The following SEM1 variants were observed in gnomAD, a reference collection of about 807,000 sequenced individuals.
SEM1 encodes SEM1 26S proteasome subunit, also known as 26S proteasome complex subunit SEM1.
A neutral mutation model predicts 12.7 loss-of-function variants in SEM1; 3 were observed. That is an observed-to-expected ratio of 0.24 (90% CI 0.11 to 0.61). The LOEUF (loss-of-function observed/expected upper bound fraction) is 0.61, where lower values mean the gene tolerates loss of function less well. Ranked by LOEUF, SEM1 falls within the 20% of genes least tolerant of loss-of-function variation. The pLI, the probability that SEM1 is intolerant of heterozygous loss-of-function variation, is 0.88. For synonymous variants in SEM1, 30 were observed against 27.8 expected (o/e 1.08, Z -0.25); for missense variants, 59 against 81.3 (o/e 0.73, Z 1.06).
At chr7:96,574,392 AC>A (rs36173049) in intron 2 of SEM1, among the ~76,000 whole-genome samples, 97,412 of 150,932 alleles carry the variant, frequency 0.65, 31,582 homozygotes, top group Non-Finnish European at 0.68. Flanking sequence ...GCCGCAATAA[AC>A]ATACGTGTGC....
At chr7:96,604,446 A>G (rs1807286079) in intron 2 of SEM1, among the ~76,000 whole-genome samples, 1 of 152,152 alleles carries the variant, frequency 6.6e-6, no homozygotes, top group African/African-American at 2.4e-5. Flanking sequence ...TGAATTTAAC[A>G]TTCATGAATT....
At chr7:96,557,086 A>G (rs1805532297) in intron 2 of SEM1, among the ~76,000 whole-genome samples, 1 of 143,754 alleles carries the variant, frequency 7.0e-6, no homozygotes, top group South Asian at 2.3e-4. Flanking sequence ...CTAGTTATAC[A>G]TTCTTCTACA....
intron 2 of SEM1, among the ~76,000 whole-genome samples, chr7:96,681,947 C>G (rs1313602303): frequency 6.6e-6 from 1 of 151,912 alleles, no homozygotes; most frequent in African/African-American, 2.4e-5. Flanking sequence ...TTGATGGGAA[C>G]AGCATTGAAT....
At chr7:96,547,755 A>G (rs1483079971) in intron 2 of SEM1, among the ~76,000 whole-genome samples, 2 of 152,028 alleles carry the variant, frequency 1.3e-5, no homozygotes, top group East Asian at 3.9e-4. Flanking sequence ...AGGAGTTGTA[A>G]AGTGGTACCT....
chr7:96,529,950 T>C (rs898954804), intron 2 of SEM1, among the ~76,000 whole-genome samples: 2 of 152,090 alleles, frequency 1.3e-5, no homozygotes, highest in African/African-American at 4.8e-5. Flanking sequence ...GTTGTACAAC[T>C]TCCTTCCTGA....
chr7:96,507,077 G>T (rs1387302758), intron 2 of SEM1, among the ~76,000 whole-genome samples: 1 of 151,904 alleles, frequency 6.6e-6, no homozygotes, highest in East Asian at 1.9e-4. Context: ...TAGAGGAAAA[G>T]ACAACAGAAA....
At chr7:96,514,470 T>G (rs537362130) in intron 2 of SEM1, among the ~76,000 whole-genome samples, 1 of 151,984 alleles carries the variant, frequency 6.6e-6, no homozygotes, top group Admixed American at 6.6e-5. Context: ...AAAGAAGAAA[T>G]AAAACTGTCT....
intron 3 of SEM1, among the ~76,000 whole-genome samples, chr7:96,484,606 C>T (rs1802677757): frequency 6.6e-6 from 1 of 152,116 alleles, no homozygotes; most frequent in Non-Finnish European, 1.5e-5. Flanking sequence ...CACATCAGTG[C>T]CATAACCATT....
intron 2 of SEM1, among the ~76,000 whole-genome samples, chr7:96,539,403 G>GA (rs1301516328): frequency 6.6e-6 from 1 of 151,532 alleles, no homozygotes; most frequent in Non-Finnish European, 1.5e-5. Flanking sequence ...ACAAGTTGAA[G>GA]AAAAAAATTC....
intron 3 of SEM1, among the ~76,000 whole-genome samples, chr7:96,501,406 T>C (rs1272663183): frequency 6.6e-6 from 1 of 152,080 alleles, no homozygotes; most frequent in Non-Finnish European, 1.5e-5. Context: ...AACTCTCTGA[T>C]TTAGGGCATC....
At chr7:96,557,788 G>C (rs1805568851) in intron 2 of SEM1, among the ~76,000 whole-genome samples, 1 of 151,900 alleles carries the variant, frequency 6.6e-6, no homozygotes, top group South Asian at 2.1e-4. Context: ...CCTTCCCCCA[G>C]CCTCGCTGCC....
downstream of SEM1, among the ~76,000 whole-genome samples, chr7:96,621,102 T>C (rs1807879110): frequency 6.6e-6 from 1 of 152,200 alleles, no homozygotes; most frequent in Non-Finnish European, 1.5e-5. Context: ...GAGAATCTAC[T>C]GTACATAATT....
intron 1 of SEM1, among the ~76,000 whole-genome samples, chr7:96,490,325 T>A (rs1802955518): frequency 6.6e-6 from 1 of 152,204 alleles, no homozygotes; most frequent in Admixed American, 6.5e-5. Context: ...ATATTGAAGG[T>A]ATTTCTTTGT....
chr7:96,537,112 C>T (rs1804807999), intron 2 of SEM1, among the ~76,000 whole-genome samples: 1 of 151,672 alleles, frequency 6.6e-6, no homozygotes, highest in Non-Finnish European at 1.5e-5. Flanking sequence ...TTATAATAAA[C>T]ATTTTTAACT....
intron 2 of SEM1, among the ~76,000 whole-genome samples, chr7:96,662,212 C>T (rs1789027307): frequency 6.6e-6 from 1 of 152,090 alleles, no homozygotes; most frequent in Non-Finnish European, 1.5e-5. Context: ...ACTATAAACA[C>T]ACATATACAC....
At chr7:96,555,890 T>A (rs1805474965) in intron 2 of SEM1, among the ~76,000 whole-genome samples, 1 of 148,882 alleles carries the variant, frequency 6.7e-6, no homozygotes, top group Admixed American at 6.7e-5. Context: ...TGGGTGCATA[T>A]ATATTTAGGA....
chr7:96,653,745 C>T (rs1212936182), intron 2 of SEM1: 1 of 152,178 alleles, frequency 6.6e-6, no homozygotes, highest in African/African-American at 2.4e-5. Flanking sequence ...GATGAGTTAC[C>T]TAATCTTCCC....
chr7:96,652,847 CT>C (rs1247440851), intron 2 of SEM1, among the ~76,000 whole-genome samples: 2 of 152,124 alleles, frequency 1.3e-5, no homozygotes, highest in African/African-American at 4.8e-5. Flanking sequence ...AATGATCCCC[CT>C]TTTCTTTGTT....
At chr7:96,532,901 G>A (rs1344212458) in intron 2 of SEM1, among the ~76,000 whole-genome samples, 2 of 152,086 alleles carry the variant, frequency 1.3e-5, no homozygotes, top group Admixed American at 1.3e-4. Context: ...CTGGCTGGAG[G>A]ACTCTGTGGT....
Sources: gnomAD v4.1 joint callset for allele counts (sites outside exome capture counted in the v4.1 genomes callset) on GRCh38, gnomAD v4.1.1 for gene constraint, MANE v1.5 for transcripts, NCBI Gene and HGNC (gene_info 2026-07-23, HGNC 2026-07-21) for gene names.